Variants in SAMD8 observed in about 807,000 individuals in gnomAD.
SAMD8 encodes the protein sphingomyelin synthase-related protein 1.
SAMD8 carries 20 observed loss-of-function variants against 42.0 expected under a neutral mutation model. The observed-to-expected ratio is 0.48, with a 90% CI of 0.34 to 0.69. SAMD8 has a LOEUF of 0.69. SAMD8 is among the 30% of genes least tolerant of loss of function. The pLI is 0.01. For synonymous variants in SAMD8, 162 were observed against 173.0 expected, an observed-to-expected ratio of 0.94 and a Z score of 0.50; for missense variants, 328 against 511.6, an observed-to-expected ratio of 0.64 and a Z score of 3.46.
intron 1 of SAMD8, among the ~76,000 whole-genome samples, chr10:75,141,739 C>T (rs1000826910): frequency 6.6e-6 from 1 of 151,766 alleles, no homozygotes; most frequent in Non-Finnish European, 1.5e-5. Context: ...GACAGGGTTT[C>T]ACCGTGTTAG....
chr10:75,176,217 G>GT lies in SAMD8; in HGVS notation c.943+2dup, dbSNP rs1364605561. ...ATGCTGAATTTCTTTGTCACCGAAT[G>GT]TAAGTATCTTTTTAGTGCTTCTATG... On this transcript the variant is annotated splice_donor_variant, in intron 5 of 5. Coordinates refer to ENST00000542569, the MANE Select transcript of SAMD8 (RefSeq NM_001174156.2). LOFTEE classifies it high-confidence loss of function. The surrounding 1 kb of genome is among the most constrained non-coding windows in gnomAD (Gnocchi z 4.3). 4.3e-6 allele frequency: 7 copies of GT among 1,614,080 alleles called. No homozygotes were observed. Among genetic ancestry groups the GT allele is most frequent in the African/African-American group, 1.3e-5 (1 of 74,940 alleles).
At chr10:75,105,876 A>G (rs1848466397) in intron 1 of SAMD8, 1 of 1,545,332 alleles carries the variant, frequency 6.5e-7, no homozygotes, top group Non-Finnish European at 8.7e-7. Flanking sequence ...TGGCTGAGGA[A>G]GACATCCTGG....
At chr10:75,143,797 G>A (rs1212395872) in intron 1 of SAMD8, among the ~76,000 whole-genome samples, 1 of 151,628 alleles carries the variant, frequency 6.6e-6, no homozygotes, top group African/African-American at 2.4e-5. Context: ...ACATGTTTAT[G>A]GTTTTCACCA....
At chr10:75,168,723 G>A (rs1287390871) in intron 4 of SAMD8, 65 bp downstream of exon 4, 10 of 978,846 alleles carry the variant, frequency 1.0e-5, no homozygotes, top group Non-Finnish European at 1.5e-5. Flanking sequence ...TATGCAATAG[G>A]GCTAAGATTT....
chr10:75,126,658 C>A (rs1008035422), intron 1 of SAMD8, among the ~76,000 whole-genome samples: 2 of 151,532 alleles, frequency 1.3e-5, no homozygotes, highest in Admixed American at 1.3e-4. Context: ...CGTGCCACCA[C>A]GCTGGCTAAT....
chr10:75,158,557 A>C (rs751781339), intron 2 of SAMD8, among the ~76,000 whole-genome samples: 48 of 152,072 alleles, frequency 3.2e-4, no homozygotes, highest in Non-Finnish European at 6.0e-4. Flanking sequence ...ATGCCACTGC[A>C]CTCCAGCCTG....
At chr10:75,157,656 G>A (rs745750395) in intron 2 of SAMD8, among the ~76,000 whole-genome samples, 2 of 152,184 alleles carry the variant, frequency 1.3e-5, no homozygotes, top group Non-Finnish European at 2.9e-5. Context: ...ATAGACTTGT[G>A]TAATGCATTA....
intron 1 of SAMD8, among the ~76,000 whole-genome samples, chr10:75,150,119 T>G (rs7094986): frequency 0.024 from 2,077 of 86,030 alleles, 50 homozygotes; most frequent in African/African-American, 0.078. Flanking sequence ...TAGTTTTTTG[T>G]TTTTTTTTCT....
intron 2 of SAMD8, among the ~76,000 whole-genome samples, chr10:75,156,460 A>G (rs770828368): frequency 7.2e-5 from 11 of 152,166 alleles, no homozygotes; most frequent in Non-Finnish European, 1.5e-4. Context: ...ACATGATCTG[A>G]AAGTTTCATC....
upstream of SAMD8, chr10:75,109,246 G>C (rs1848706151): frequency 7.0e-6 from 10 of 1,422,914 alleles, no homozygotes; most frequent in Non-Finnish European, 9.2e-6. Context: ...GACAGGGACA[G>C]GTGACAGAAG....
chr10:75,117,716 TCAAACAAA>T (rs374153741), intron 1 of SAMD8, among the ~76,000 whole-genome samples: 1 of 152,182 alleles, frequency 6.6e-6, no homozygotes, highest in Non-Finnish European at 1.5e-5. Context: ...AAATGCTTTC[TCAAACAAA>T]CAAACAAACA....
chr10:75,132,162 A>G (rs1259655353), intron 1 of SAMD8, among the ~76,000 whole-genome samples: 5 of 152,238 alleles, frequency 3.3e-5, no homozygotes, highest in Non-Finnish European at 7.3e-5. Context: ...TTTTCTAGAC[A>G]GGTACTCTCT....
At chr10:75,139,154 A>G (rs1839961421) in intron 1 of SAMD8, among the ~76,000 whole-genome samples, 2 of 151,546 alleles carry the variant, frequency 1.3e-5, no homozygotes, top group Admixed American at 6.6e-5. Flanking sequence ...TTTTTAATAC[A>G]GACAGGGTTT....
intron 4 of SAMD8, among the ~76,000 whole-genome samples, chr10:75,174,738 CT>C (rs928634732): frequency 9.8e-4 from 143 of 145,520 alleles, no homozygotes; most frequent in Non-Finnish European, 7.0e-4. Context: ...CTGCAGTATG[CT>C]TTTTTTTTTT....
At chr10:75,141,538 CTTT>C (rs60925019) in intron 1 of SAMD8, among the ~76,000 whole-genome samples, 2 of 134,794 alleles carry the variant, frequency 1.5e-5, no homozygotes, top group African/African-American at 2.7e-5. Context: ...ATGCCTTTTA[CTTT>C]TTTTTTTTTT....
chr10:75,108,926 C>T (rs1848686276), upstream of SAMD8: 1 of 1,502,402 alleles, frequency 6.7e-7, no homozygotes, highest in Non-Finnish European at 8.9e-7. Flanking sequence ...CTCCTTGTTT[C>T]CACCCTCCTG....
At chr10:75,116,946 A>G (rs1848896477) in intron 1 of SAMD8, among the ~76,000 whole-genome samples, 1 of 152,012 alleles carries the variant, frequency 6.6e-6, no homozygotes, top group Admixed American at 6.6e-5. Context: ...AGTAGCTGGG[A>G]TTACAGGCGC....
At chr10:75,153,212 C>T (rs976208606) in intron 2 of SAMD8, among the ~76,000 whole-genome samples, 4 of 151,874 alleles carry the variant, frequency 2.6e-5, no homozygotes, top group Admixed American at 6.6e-5. Flanking sequence ...GAACTCCTGA[C>T]CTCAAATGAT....
intron 1 of SAMD8, among the ~76,000 whole-genome samples, chr10:75,115,372 ATC>A (rs1302026757): frequency 3.3e-5 from 5 of 152,294 alleles, no homozygotes; most frequent in Middle Eastern, 3.4e-3. Flanking sequence ...GCCTTGAGAA[ATC>A]AAGATGTTAA....
Sources: gnomAD v4.1 joint callset for allele counts (sites outside exome capture counted in the v4.1 genomes callset) on GRCh38, gnomAD v4.1.1 for gene constraint, Gnocchi (gnomAD v3.1) non-coding constraint, MANE v1.5 for transcripts, NCBI Gene and HGNC (gene_info 2026-07-23, HGNC 2026-07-21) for gene names.